PGAP4: variants seen among roughly 807,000 people sequenced by gnomAD.
The protein encoded by PGAP4 is post-GPI attachment to proteins GalNAc transferase 4, also known as GPI-N-acetylgalactosamine transferase PGAP4.
In PGAP4, 12 loss-of-function variants were observed where a neutral mutation model predicts 28.2. The observed-to-expected ratio is 0.42, with a 90% CI of 0.27 to 0.69. The LOEUF is 0.69. Ranked by LOEUF, PGAP4 falls within the 30% of genes least tolerant of loss-of-function variation. The pLI is 0.22. For synonymous variants in PGAP4, 205 were observed against 211.8 expected (o/e 0.97, Z 0.28); for missense variants, 425 against 513.5 (o/e 0.83, Z 1.67).
chr9:101,501,605 C>G, intron 2 of PGAP4: 1 of 458,696 alleles, frequency 2.2e-6, no homozygotes, highest in Non-Finnish European at 4.4e-6. Context: ...TTCTGGAAGA[C>G]CTTCATTCTA....
In PGAP4 at chr9:101,486,750, G is replaced by T. The variant is rs1263705026; in HGVS notation, c.-78+199C>A. 6.6e-6 allele frequency among the ~76,000 whole-genome samples: 1 copy of T among 152,132 alleles called. No individual in the cohort carries two copies. The highest frequency in any genetic ancestry group is 6.5e-5 in the Admixed American group (1 of 15,288). On this transcript the variant is annotated intron_variant, in intron 1 of 1. Transcript: ENST00000374848. The surrounding 1 kb of genome is among the most constrained non-coding windows in gnomAD (Gnocchi z 4.7). ...CCGGCAGGAAGCGGTCGGAGCTGCG[G>T]GCAGGGCCGCTAGGCAACCCGCCTG...
intron 2 of PGAP4, among the ~76,000 whole-genome samples, chr9:101,494,228 C>G (rs992610391): frequency 6.6e-6 from 1 of 151,154 alleles, no homozygotes; most frequent in Non-Finnish European, 1.5e-5. Context: ...GTTAATATAA[C>G]CAAAGTTTTA....
At chr9:101,510,128 C>T (rs1826883091) in intron 2 of PGAP4, among the ~76,000 whole-genome samples, 1 of 152,176 alleles carries the variant, frequency 6.6e-6, no homozygotes, top group African/African-American at 2.4e-5. Context: ...AGTTGTGCCT[C>T]AGTATCCTCT....
At chr9:101,504,464 C>T (rs1826832876) in intron 2 of PGAP4, among the ~76,000 whole-genome samples, 1 of 151,928 alleles carries the variant, frequency 6.6e-6, no homozygotes, top group South Asian at 2.1e-4. Context: ...AAAGGAAAGA[C>T]TGCTGATACC....
chr9:101,528,685 A>G (rs1827057460), intron 2 of PGAP4, among the ~76,000 whole-genome samples: 1 of 152,152 alleles, frequency 6.6e-6, no homozygotes, highest in South Asian at 2.1e-4. Flanking sequence ...CAAAAGCATC[A>G]TAGAAATACA....
Position 101,494,523 on chromosome 9 carries a change from T to G in PGAP4, c.-164-5323A>C, listed in dbSNP as rs536240740. Among the ~76,000 whole-genome samples the G allele has an allele frequency of 7.8e-4, 118 of 151,950 alleles. 1 individual carries two copies. Among genetic ancestry groups the G allele is most frequent in the African/African-American group, 2.8e-3 (118 of 41,550 alleles). On this transcript the variant is annotated intron_variant, in intron 2 of 3. Transcript: ENST00000374851. ...ACATTATTCGTATCAATTATTCAAT[T>G]TCATGAAATTAAATTTTTGTTTTGT...
chr9:101,499,572 T>A (rs1257171896), intron 2 of PGAP4, among the ~76,000 whole-genome samples: 1 of 152,064 alleles, frequency 6.6e-6, no homozygotes, highest in East Asian at 1.9e-4. Flanking sequence ...ACTACTAAGA[T>A]CTGTAACAAG....
chr9:101,477,925 G>T (rs1370994186), intron 1 of PGAP4, among the ~76,000 whole-genome samples: 2 of 152,078 alleles, frequency 1.3e-5, no homozygotes, highest in Non-Finnish European at 2.9e-5. Context: ...GGGAGCGGGG[G>T]GGGAAAGGCA....
At chr9:101,510,787 C>A (rs941395704) in intron 2 of PGAP4, among the ~76,000 whole-genome samples, 1 of 152,064 alleles carries the variant, frequency 6.6e-6, no homozygotes, top group Non-Finnish European at 1.5e-5. Context: ...AATAAAATAA[C>A]GGGCGGGCCA....
chr9:101,473,362 GC>G lies in PGAP4; in HGVS notation c.*2518del, dbSNP rs1179500530. 1 of 152,220 alleles carries G rather than the reference GC, an allele frequency of 6.6e-6. No individual in the cohort carries two copies. The highest frequency in any genetic ancestry group is 2.4e-5 in the African/African-American group (1 of 41,438). 9.4% of individuals were successfully genotyped at this position (152,220 alleles called of 1,614,324 possible). A position where few individuals can be genotyped will look rare whatever the true frequency, so the allele number is the denominator to read the frequency against. ...ATATCTTAGTTCTCCCTAGCCCCTT[GC>G]TTAGGATTAAGTGAGAGACTTCAGC... On this transcript the variant is annotated 3_prime_UTR_variant, in exon 2 of 2. Coordinates refer to ENST00000374848, the MANE Select transcript of PGAP4 (RefSeq NM_032342.3).
chr9:101,473,176 G>T lies in PGAP4; in HGVS notation c.*2705C>A, dbSNP rs1826203037. ...ATAAAAGTCTTCTCAGAAAGCCTTA[G>T]CAAAATGGGTGCTTTTATTTTCACA... On this transcript the variant is annotated 3_prime_UTR_variant, in exon 2 of 2. Coordinates refer to ENST00000374848, the MANE Select transcript of PGAP4 (RefSeq NM_032342.3). The T allele has an allele frequency of 6.6e-6, 1 of 152,186 alleles. No homozygotes were observed. The highest frequency in any genetic ancestry group is 1.5e-5 in the Non-Finnish European group (1 of 68,040). 9.4% of individuals were successfully genotyped at this position (152,186 alleles called of 1,614,324 possible).
Position 101,495,094 on chromosome 9 carries a change from C to T in PGAP4, c.-164-5894G>A, listed in dbSNP as rs1316651444. The stretch of plus-strand genomic sequence containing the variant: ...ACTACCATTTATTATTTGACAATGT[C>T]TTTTCTGCAATTTATCAAGTGCCTA... On this transcript the variant is annotated intron_variant, in intron 2 of 3. Coordinates refer to the PGAP4 transcript ENST00000374851. Among the ~76,000 whole-genome samples the T allele has an allele frequency of 3.0e-5, 4 of 133,956 alleles. No homozygotes were observed. In the Admixed American group the frequency reaches 3.5e-4, roughly 12 times the overall value. The allele number at this position is 133,956 out of a possible 152,430, so 87.9% of individuals were successfully genotyped here. A position where few individuals can be genotyped will look rare whatever the true frequency, so the allele number is the denominator to read the frequency against.
chr9:101,489,867 T>TAAA (rs565590927), upstream of PGAP4, among the ~76,000 whole-genome samples: 167 of 152,216 alleles, frequency 1.1e-3, no homozygotes, highest in Non-Finnish European at 2.1e-3. Flanking sequence ...TTGGGACACA[T>TAAA]AAAAAAAGTT....
intron 2 of PGAP4, among the ~76,000 whole-genome samples, chr9:101,504,206 T>TTG (rs1336746184): frequency 9.1e-5 from 11 of 120,504 alleles, no homozygotes; most frequent in African/African-American, 3.1e-4. Flanking sequence ...TGTGTGTGTG[T>TTG]TTGTTTTTTT....
chr9:101,532,538 C>T (rs1431332864), intron 1 of PGAP4: 3 of 152,184 alleles, frequency 2.0e-5, no homozygotes, highest in African/African-American at 7.2e-5. Flanking sequence ...CTCTAGTTTT[C>T]TGGGCTAGAA....
chr9:101,485,853 T>C (rs1473760495), intron 1 of PGAP4, among the ~76,000 whole-genome samples: 5 of 152,278 alleles, frequency 3.3e-5, no homozygotes, highest in African/African-American at 1.2e-4. Flanking sequence ...ATAATTCTAA[T>C]AATGTTGATT....
At chr9:101,494,699 T>G (rs1029985466) in intron 2 of PGAP4, among the ~76,000 whole-genome samples, 1 of 151,758 alleles carries the variant, frequency 6.6e-6, no homozygotes, top group Admixed American at 6.6e-5. Flanking sequence ...TTTTAGACTA[T>G]AGCTGATTGC....
upstream of PGAP4, among the ~76,000 whole-genome samples, chr9:101,488,277 G>A (rs1443400058): frequency 6.6e-6 from 1 of 152,228 alleles, no homozygotes; most frequent in Non-Finnish European, 1.5e-5. Context: ...AGGCTGGAAA[G>A]TATGAGAGCT....
chr9:101,502,954 G>A (rs1414280947), intron 2 of PGAP4, among the ~76,000 whole-genome samples: 2 of 152,096 alleles, frequency 1.3e-5, no homozygotes, highest in South Asian at 2.1e-4. Context: ...ATTTTTCAGT[G>A]TTGAGCAGCA....
Sources: gnomAD v4.1 joint callset for allele counts (sites outside exome capture counted in the v4.1 genomes callset) on GRCh38, gnomAD v4.1.1 for gene constraint, Gnocchi (gnomAD v3.1) non-coding constraint, MANE v1.5 for transcripts, NCBI Gene and HGNC (gene_info 2026-07-23, HGNC 2026-07-21) for gene names.